Variants in CACNA2D3 observed in about 807,000 individuals in gnomAD.
The protein encoded by CACNA2D3 is voltage-dependent calcium channel subunit alpha-2/delta-3.
CACNA2D3 carries 60 observed loss-of-function variants against 160.6 expected under a neutral mutation model. The observed-to-expected ratio is 0.37, with a 90% CI of 0.30 to 0.46. CACNA2D3 has a LOEUF of 0.46. Among genes scored for constraint, CACNA2D3 ranks in the 20% least tolerant of loss-of-function variants. The pLI is 1.00. For missense variants in CACNA2D3, 1,205 were observed against 1,365.0 expected (o/e 0.88, Z 1.85); for synonymous variants, 558 against 492.9 (o/e 1.13, Z -1.75).
chr3:54,823,439 A>G (rs1703685394), intron 14 of CACNA2D3, among the ~76,000 whole-genome samples: 3 of 152,144 alleles, frequency 2.0e-5, no homozygotes, highest in Non-Finnish European at 2.9e-5. Context: ...AAAAGCCTTC[A>G]ATAAAACATA....
intron 11 of CACNA2D3, among the ~76,000 whole-genome samples, chr3:54,705,671 T>C (rs149997715): frequency 9.1e-4 from 139 of 152,312 alleles, no homozygotes; most frequent in African/African-American, 3.0e-3. Context: ...CCTCCCAATG[T>C]TCCTATAACT....
chr3:54,135,979 C>T (rs1018041361), intron 2 of CACNA2D3, among the ~76,000 whole-genome samples: 39 of 152,320 alleles, frequency 2.6e-4, no homozygotes, highest in African/African-American at 8.4e-4. Flanking sequence ...GCTTCTTGGA[C>T]GACAGGGGGA....
intron 2 of CACNA2D3, among the ~76,000 whole-genome samples, chr3:54,190,631 C>G (rs1700961195): frequency 6.6e-6 from 1 of 152,212 alleles, no homozygotes; most frequent in African/African-American, 2.4e-5. Flanking sequence ...TGCTGTTGTG[C>G]CTTCCCATCT....
intron 2 of CACNA2D3, among the ~76,000 whole-genome samples, chr3:54,319,477 G>A (rs1703942157): frequency 6.6e-6 from 1 of 152,088 alleles, no homozygotes; most frequent in Non-Finnish European, 1.5e-5. Context: ...ATCTTACCCA[G>A]CATCTTTAAT....
intron 5 of CACNA2D3, among the ~76,000 whole-genome samples, chr3:54,538,935 A>G (rs190412358): frequency 1.9e-4 from 29 of 152,310 alleles, no homozygotes; most frequent in Admixed American, 1.2e-3. Context: ...AATGTGGTCA[A>G]GAGGACTTTT....
intron 11 of CACNA2D3, among the ~76,000 whole-genome samples, chr3:54,690,832 C>G (rs1239518267): frequency 2.0e-5 from 3 of 152,040 alleles, no homozygotes; most frequent in Admixed American, 1.3e-4. Context: ...GAAGGGAAAA[C>G]CTTACACTCA....
At chr3:55,018,545 A>G (rs776909565) in intron 35 of CACNA2D3, among the ~76,000 whole-genome samples, 3 of 152,226 alleles carry the variant, frequency 2.0e-5, no homozygotes, top group Non-Finnish European at 4.4e-5. Flanking sequence ...CCTGCAGTAT[A>G]GGAGATTTGT....
intron 11 of CACNA2D3, among the ~76,000 whole-genome samples, chr3:54,731,734 C>T (rs1016669998): frequency 6.6e-6 from 1 of 152,040 alleles, no homozygotes; most frequent in Non-Finnish European, 1.5e-5. Flanking sequence ...TAGCGGCACC[C>T]AGGATTCTGT....
intron 35 of CACNA2D3, among the ~76,000 whole-genome samples, chr3:55,050,285 G>T (rs550655469): frequency 2.2e-4 from 34 of 151,768 alleles, no homozygotes; most frequent in South Asian, 1.3e-3. Flanking sequence ...AGGAGCTCTT[G>T]TAAGGCAGGC....
intron 5 of CACNA2D3, among the ~76,000 whole-genome samples, chr3:54,505,418 ATCTAAACAAATCCTAGAGGGC>A (rs1429912323): frequency 6.6e-6 from 1 of 152,106 alleles, no homozygotes; most frequent in Non-Finnish European, 1.5e-5. Flanking sequence ...AGTGATGTGA[ATCTAAACAAATCCTAGAGGGC>A]TCTGGACTGG....
intron 11 of CACNA2D3, among the ~76,000 whole-genome samples, chr3:54,698,171 TC>T (rs1700699228): frequency 6.6e-6 from 1 of 152,174 alleles, no homozygotes; most frequent in Non-Finnish European, 1.5e-5. Context: ...AGACTGCCTG[TC>T]AGTGTGGAAC....
rs144194785 is a variant in CACNA2D3, at chr3:54,552,629, A to C, written c.545-10171A>C. On this transcript the variant is annotated intron_variant, in intron 5 of 37. Coordinates refer to ENST00000474759, the MANE Select transcript of CACNA2D3 (RefSeq NM_018398.3). ...TGGCTAGGAAAAGTAGTTCATGACT[A>C]CCTGGAAAGGGCCACACATAGTGTG... Among the ~76,000 whole-genome samples the C allele has an allele frequency of 7.8e-3, 1,186 of 152,226 alleles. 10 individuals carry two copies. The highest frequency in any genetic ancestry group is 0.026 in the African/African-American group (1,085 of 41,544).
chr3:54,824,367 GTCC>G (rs1703704154), intron 14 of CACNA2D3, among the ~76,000 whole-genome samples: 1 of 152,168 alleles, frequency 6.6e-6, no homozygotes, highest in Non-Finnish European at 1.5e-5. Context: ...GGTGTTCCCT[GTCC>G]TCCTCACACC....
chr3:54,284,197 A>G (rs554817904), intron 2 of CACNA2D3, among the ~76,000 whole-genome samples: 188 of 152,296 alleles, frequency 1.2e-3, no homozygotes, highest in African/African-American at 4.3e-3. Context: ...CAGCACACCA[A>G]CATGGCACAT....
At chr3:54,388,502 G>T (rs1471567740) in intron 4 of CACNA2D3, among the ~76,000 whole-genome samples, 1 of 152,218 alleles carries the variant, frequency 6.6e-6, no homozygotes, top group Non-Finnish European at 1.5e-5. Flanking sequence ...AATAGAGCCA[G>T]AGGTATAGCT....
intron 10 of CACNA2D3, among the ~76,000 whole-genome samples, chr3:54,641,028 A>G (rs1002576414): frequency 6.7e-6 from 1 of 148,544 alleles, no homozygotes; most frequent in Non-Finnish European, 1.5e-5. Context: ...TGTGATCTGT[A>G]TTTGGATCTA....
intron 11 of CACNA2D3, among the ~76,000 whole-genome samples, chr3:54,665,789 ATTTT>A (rs535697929): frequency 3.0e-5 from 4 of 134,680 alleles, no homozygotes; most frequent in Admixed American, 7.5e-5. Context: ...GAGGATGGTT[ATTTT>A]TTTTTTTTTT....
intron 11 of CACNA2D3, 146 bp from the exon 12 acceptor site, chr3:54,752,453 T>A: frequency 1.6e-6 from 1 of 620,534 alleles, no homozygotes; most frequent in Admixed American, 2.5e-5. Flanking sequence ...TAGCTGACTA[T>A]ACTTCAGATG....
rs529258077 is a variant in CACNA2D3, at chr3:54,888,648, T to C, written c.2150+596T>C. Reference sequence around the variant, plus strand: ...ATTCCTTTTCCCTTATATTTTCATGTGTTACATGATTCATTTCTCTCCACT... The same window carrying C: ...ATTCCTTTTCCCTTATATTTTCATGCGTTACATGATTCATTTCTCTCCACT... On this transcript the variant is annotated intron_variant, in intron 24 of 37. Transcript: ENST00000474759. Among the ~76,000 whole-genome samples the C allele has an allele frequency of 4.6e-5, 7 of 152,326 alleles. No homozygotes were observed. In the South Asian group the frequency reaches 1.2e-3, roughly 27 times the overall value.
Sources: gnomAD v4.1 joint callset for allele counts (sites outside exome capture counted in the v4.1 genomes callset) on GRCh38, gnomAD v4.1.1 for gene constraint, MANE v1.5 for transcripts, NCBI Gene and HGNC (gene_info 2026-07-23, HGNC 2026-07-21) for gene names.